GAB1: variants seen among roughly 807,000 people sequenced by gnomAD.
GAB1 encodes the protein GRB2 associated binding protein 1, also known as GRB2-associated-binding protein 1.
A neutral mutation model predicts 66.5 loss-of-function variants in GAB1; 19 were observed. That is an observed-to-expected ratio of 0.29 (90% CI 0.20 to 0.42). The LOEUF (loss-of-function observed/expected upper bound fraction) is 0.42, where lower values mean the gene tolerates loss of function less well. Among genes scored for constraint, GAB1 ranks in the 10% least tolerant of loss-of-function variants. The pLI is 1.00. For synonymous variants in GAB1, 294 were observed against 301.4 expected (o/e 0.98, Z 0.25); for missense variants, 732 against 858.5 (o/e 0.85, Z 1.84).
At chr4:143,338,451 C>T (rs1728728568) in intron 1 of GAB1, among the ~76,000 whole-genome samples, 1 of 152,168 alleles carries the variant, frequency 6.6e-6, no homozygotes, top group Non-Finnish European at 1.5e-5. Flanking sequence ...GTGAAGTACA[C>T]AGAGTGAAGT....
chr4:143,435,719 G>A lies in GAB1; in HGVS notation c.593+2003G>A, dbSNP rs560724723. 3.3e-5 allele frequency among the ~76,000 whole-genome samples: 5 copies of A among 152,284 alleles called. No homozygotes were observed. The South Asian group carries it at 6.2e-4, about 19-fold the overall frequency. On this transcript the variant is annotated intron_variant, in intron 3 of 9. Transcript: ENST00000262994. ...GTCTACTCAGATATAGTCACCTTTG[G>A]AGTTTACAAGTAAGAGTTGCTAAGA... is the stretch of plus-strand genomic sequence containing the variant.
rs1379828495 is a variant in GAB1, at chr4:143,447,047, G to A, written c.1585+6665G>A. On this transcript the variant is annotated intron_variant, in intron 6 of 9. Coordinates refer to ENST00000262994, the MANE Select transcript of GAB1 (RefSeq NM_002039.4). ...GTTTTCCCAGCACCATTTATTAAAT[G>A]GGGAATCCTTTCCCCATTTCTTGTT... Among the ~76,000 whole-genome samples the A allele has an allele frequency of 6.1e-4, 93 of 151,902 alleles. 1 individual carries two copies. Among genetic ancestry groups the A allele is most frequent in the East Asian group, 5.0e-3 (26 of 5,168 alleles).
intron 1 of GAB1, among the ~76,000 whole-genome samples, chr4:143,412,635 T>C (rs964602675): frequency 3.3e-5 from 5 of 152,192 alleles, no homozygotes; most frequent in African/African-American, 1.2e-4. Context: ...ATAGGATCTC[T>C]AAAACTATGC....
At chr4:143,403,738 T>G (rs938682638) in intron 1 of GAB1, among the ~76,000 whole-genome samples, 1 of 152,248 alleles carries the variant, frequency 6.6e-6, no homozygotes, top group African/African-American at 2.4e-5. Flanking sequence ...AACCTTGTAC[T>G]TAGTCCTTCT....
intron 1 of GAB1, among the ~76,000 whole-genome samples, chr4:143,404,507 T>G (rs1205406520): frequency 1.3e-5 from 2 of 152,252 alleles, no homozygotes; most frequent in East Asian, 3.8e-4. Context: ...CAATTGATCT[T>G]GCTTGTCTCT....
At chr4:143,413,019 C>A (rs1370503997) in intron 1 of GAB1, among the ~76,000 whole-genome samples, 8 of 152,132 alleles carry the variant, frequency 5.3e-5, no homozygotes, top group Admixed American at 5.2e-4. Context: ...TAGTCTGAAT[C>A]ATTGGGGAAT....
In GAB1 at chr4:143,473,748, A is replaced by G. The variant is rs1015569255; in HGVS notation, c.*4559A>G. On this transcript the variant is annotated 3_prime_UTR_variant, in exon 10 of 10. Transcript: ENST00000262994. ...ATTTTTCATTTCTATGAAAGTTTCAAACATCTCCAGTACTTTATAAAATCC... is the reference window on the plus strand; with the variant it reads ...ATTTTTCATTTCTATGAAAGTTTCAGACATCTCCAGTACTTTATAAAATCC... The G allele has an allele frequency of 1.3e-5, 2 of 152,200 alleles. No homozygotes were observed. The highest frequency in any genetic ancestry group is 6.5e-5 in the Admixed American group (1 of 15,272). 9.4% of individuals were successfully genotyped at this position (152,200 alleles called of 1,614,324 possible).
rs147678924 is a variant in GAB1 at position 143,342,292 on chromosome 4, G to A, written c.72+5032G>A. 7.6e-4 allele frequency among the ~76,000 whole-genome samples: 116 copies of A among 152,224 alleles called. No homozygotes were observed. The East Asian group carries it at 0.016, about 21-fold the overall frequency. On this transcript the variant is annotated intron_variant, in intron 1 of 9. Coordinates refer to ENST00000262994, the MANE Select transcript of GAB1 (RefSeq NM_002039.4). ...AGGGGGTAGTTTGAGAATTCTGCTG[G>A]CTCTTTAAAATTATTTTTTTAAGAG...
intron 9 of GAB1, 130 bp from the exon 10 acceptor site, chr4:143,468,901 C>A: frequency 1.1e-6 from 1 of 898,548 alleles, no homozygotes. Context: ...CCATCCTGGG[C>A]AACAAGAGCA....
At chr4:143,462,180 T>A (rs2149793396) in intron 8 of GAB1, among the ~76,000 whole-genome samples, 1 of 152,316 alleles carries the variant, frequency 6.6e-6, no homozygotes, top group East Asian at 1.9e-4. Context: ...GCAGGGCAAT[T>A]TTTAGACACT....
At chr4:143,459,301 A>T (rs1735362725) in intron 6 of GAB1, 84 bp from the exon 7 acceptor site, 3 of 809,422 alleles carry the variant, frequency 3.7e-6, no homozygotes. Context: ...GCTATCAAAT[A>T]TAAATAGAGT....
At chr4:143,352,449 TTC>T (rs1729267990) in intron 1 of GAB1, among the ~76,000 whole-genome samples, 2 of 152,354 alleles carry the variant, frequency 1.3e-5, no homozygotes, top group South Asian at 2.1e-4. Context: ...TTAAGGAGTT[TTC>T]TCTTTTCAGA....
rs773743769 is a variant in GAB1, at chr4:143,438,046, A to G, written c.641A>G (p.Asn214Ser). ...AKSTSSETDC[N>S]DNVPSHKNPA... Reference sequence around the variant, plus strand: ...TCCACCTCTTCTGAAACAGACTGCAATGATAACGTCCCTTCTCATAAAAAT... The same window carrying G: ...TCCACCTCTTCTGAAACAGACTGCAGTGATAACGTCCCTTCTCATAAAAAT... Residue 214 changes from asparagine (N) to serine (S), a missense_variant, in exon 4 of 10, where the codon AAT becomes AGT. Coordinates refer to ENST00000262994, the MANE Select transcript of GAB1 (RefSeq NM_002039.4). The G allele has an allele frequency of 3.1e-6, 5 of 1,614,042 alleles. No individual in the cohort carries two copies. Among genetic ancestry groups the G allele is most frequent in the Admixed American group, 1.7e-5 (1 of 59,974 alleles).
intron 1 of GAB1, among the ~76,000 whole-genome samples, chr4:143,393,574 A>G (rs1000884038): frequency 2.0e-5 from 3 of 152,238 alleles, no homozygotes; most frequent in Non-Finnish European, 4.4e-5. Flanking sequence ...CTGGTACTTA[A>G]TGAGTATTCA....
At chr4:143,441,875 A>G (rs1007603117) in intron 6 of GAB1, among the ~76,000 whole-genome samples, 4 of 151,926 alleles carry the variant, frequency 2.6e-5, no homozygotes, top group Non-Finnish European at 2.9e-5. Context: ...TCATTGCCTT[A>G]CTTATTATTT....
At chr4:143,365,126 C>T (rs1729828247) in intron 1 of GAB1, among the ~76,000 whole-genome samples, 1 of 151,918 alleles carries the variant, frequency 6.6e-6, no homozygotes, top group Non-Finnish European at 1.5e-5. Flanking sequence ...ATCCGCCCGC[C>T]TCTGCCTCCC....
At chr4:143,349,628 G>T (rs1157333856) in intron 1 of GAB1, 60 of 1,463,594 alleles carry the variant, frequency 4.1e-5, no homozygotes, top group Non-Finnish European at 5.3e-5. Flanking sequence ...ACGGTGTGGG[G>T]CTTGCCGATC....
intron 1 of GAB1, among the ~76,000 whole-genome samples, chr4:143,357,328 T>G (rs1027615445): frequency 6.6e-6 from 1 of 152,198 alleles, no homozygotes; most frequent in Non-Finnish European, 1.5e-5. Flanking sequence ...TCAGAAATAC[T>G]TTTTTGACTT....
chr4:143,351,957 C>T (rs1004887679), intron 1 of GAB1, among the ~76,000 whole-genome samples: 1 of 152,128 alleles, frequency 6.6e-6, no homozygotes, highest in African/African-American at 2.4e-5. Flanking sequence ...TGTCATAGCA[C>T]CGGAAGCAAA....
Sources: gnomAD v4.1 joint callset for allele counts (sites outside exome capture counted in the v4.1 genomes callset) on GRCh38, gnomAD v4.1.1 for gene constraint, MANE v1.5 for transcripts, NCBI Gene and HGNC (gene_info 2026-07-23, HGNC 2026-07-21) for gene names.